Variants in WLS observed in about 807,000 individuals in gnomAD.
The protein encoded by WLS is protein wntless homolog.
In WLS, 23 loss-of-function variants were observed where a neutral mutation model predicts 62.8. The ratio of observed to expected loss-of-function variants is 0.37; its 90% CI spans 0.26 to 0.52. The LOEUF (loss-of-function observed/expected upper bound fraction) is 0.52. WLS is among the 20% of genes least tolerant of loss of function. WLS has a pLI of 0.92. For synonymous variants in WLS, 246 were observed against 244.1 expected (o/e 1.01, Z -0.07); for missense variants, 615 against 697.3 (o/e 0.88, Z 1.33).
chr1:68,208,422 CA>C (rs2100641333), intron 1 of WLS, among the ~76,000 whole-genome samples: 1 of 152,154 alleles, frequency 6.6e-6, no homozygotes, highest in East Asian at 1.9e-4. Flanking sequence ...AATCAAAAGA[CA>C]GGGGATAGGT....
chr1:68,185,904 T>C (rs189141664), intron 2 of WLS, among the ~76,000 whole-genome samples: 66 of 152,276 alleles, frequency 4.3e-4, no homozygotes, highest in African/African-American at 1.6e-3. Context: ...AGTGACTCAA[T>C]CTTTAGGCCT....
At chr1:68,231,581 T>A in intron 1 of WLS, 2 of 225,154 alleles carry the variant, frequency 8.9e-6, no homozygotes, top group Non-Finnish European at 1.8e-5. Flanking sequence ...CGGCCGACAA[T>A]TCGGACCTGT....
chr1:68,214,544 T>C (rs1288540305), intron 1 of WLS, among the ~76,000 whole-genome samples: 1 of 152,128 alleles, frequency 6.6e-6, no homozygotes, highest in Admixed American at 6.5e-5. Context: ...TTTGTATTTT[T>C]TAATAGAGAT....
intron 1 of WLS, among the ~76,000 whole-genome samples, chr1:68,218,804 T>C (rs1264432502): frequency 2.6e-5 from 4 of 152,192 alleles, no homozygotes; most frequent in Admixed American, 2.0e-4. Flanking sequence ...ATCTATAAGC[T>C]GAAGACAGTG....
At chr1:68,120,866 C>G (rs762501524), downstream of WLS, among the ~76,000 whole-genome samples, 112 of 152,306 alleles carry the variant, frequency 7.4e-4, no homozygotes, top group Middle Eastern at 3.4e-3. Flanking sequence ...TTGGAAAAGA[C>G]TTAACTGCTT....
rs749666615 is a variant in WLS, at chr1:68,230,580, TGTGCGCGC to T, written c.106+1606_106+1613del. Among the ~76,000 whole-genome samples the T allele has an allele frequency of 1.1e-3, 91 of 80,640 alleles. No individual in the cohort carries two copies. The South Asian group carries it at 0.041, about 36-fold the overall frequency. The allele number at this position is 80,640 out of a possible 152,430, so 52.9% of individuals were successfully genotyped here. ...ACACAAAAGCCAACCCGTGTGTGTG[TGTGCGCGC>T]GTGTGTGTGTGTGTGTGTGTGTGTG... is the stretch of plus-strand genomic sequence containing the variant. On this transcript the variant is annotated intron_variant, in intron 1 of 11. Coordinates refer to ENST00000262348, the MANE Select transcript of WLS (RefSeq NM_024911.7).
At chr1:68,175,128 G>A (rs1265016262) in intron 2 of WLS, among the ~76,000 whole-genome samples, 1 of 152,084 alleles carries the variant, frequency 6.6e-6, no homozygotes, top group East Asian at 1.9e-4. Flanking sequence ...AAGAGCAATC[G>A]GGCACCATTT....
At chr1:68,151,031 C>T (rs1023044935) in intron 5 of WLS, among the ~76,000 whole-genome samples, 1 of 152,132 alleles carries the variant, frequency 6.6e-6, no homozygotes, top group African/African-American at 2.4e-5. Flanking sequence ...TGTTTTTTCA[C>T]TCACGGGAGA....
At chr1:68,162,091 C>A in intron 2 of WLS, 1 of 1,569,014 alleles carries the variant, frequency 6.4e-7, no homozygotes, top group East Asian at 2.3e-5. Context: ...AGCTGCCTCC[C>A]TCATCTCCAG....
chr1:68,146,875 A>G (rs1646759003), intron 8 of WLS, among the ~76,000 whole-genome samples: 1 of 150,886 alleles, frequency 6.6e-6, no homozygotes. Context: ...TTCTGCTACA[A>G]CTTTGCCCAA....
Position 68,216,453 on chromosome 1 carries a change from C to T in WLS, c.106+15741G>A, listed in dbSNP as rs112996616. ...GTATCAGGTGTATCAGTGCATTACG[C>T]AGATTTCACAAACACACAACAGAGC... On this transcript the variant is annotated intron_variant, in intron 1 of 11. Coordinates refer to ENST00000262348, the MANE Select transcript of WLS (RefSeq NM_024911.7). Among the ~76,000 whole-genome samples, 687 of 152,342 alleles carry T rather than the reference C, an allele frequency of 4.5e-3. 10 individuals are homozygous for T. The highest frequency in any genetic ancestry group is 0.016 in the African/African-American group (663 of 41,574).
intron 1 of WLS, among the ~76,000 whole-genome samples, chr1:68,204,953 T>A (rs1001739833): frequency 6.6e-6 from 1 of 152,256 alleles, no homozygotes; most frequent in Non-Finnish European, 1.5e-5. Flanking sequence ...AACTTAAACA[T>A]GCAAGTCCTC....
Position 68,137,760 on chromosome 1 carries a change from C to A in WLS, c.1516+20G>T. 6.2e-7 allele frequency: 1 copy of A among 1,612,260 alleles called. No homozygotes were observed. Among genetic ancestry groups the A allele is most frequent in the South Asian group, 1.1e-5 (1 of 90,668 alleles). On this transcript the variant is annotated intron_variant, in intron 11 of 11. Coordinates refer to ENST00000262348, the MANE Select transcript of WLS (RefSeq NM_024911.7). ...CCTATTTATCCTGACTTAAGCTGTT[C>A]TAAAGAGACAGAAACTCACCATTGG...
chr1:68,147,991 C>G, intron 8 of WLS, 145 bp downstream of exon 8: 2 of 845,796 alleles, frequency 2.4e-6, no homozygotes, highest in Non-Finnish European at 3.8e-6. Context: ...TATTATTAGC[C>G]TTAATTGTGC....
chr1:68,137,863 T>C lies in WLS; in HGVS notation c.1433A>G (p.Tyr478Cys), dbSNP rs985347096. ...AAAGACATACAGATTCCACATCCCA[T>C]AGATGCCTGTGAAAAAGGCACTGTT... ...QVNSAFFTGI[Y>C]GMWNLYVFAL... is the part of the protein sequence containing the mutation. The change falls in exon 11 of 12, where the codon TAT becomes TGT. Residue 478 changes from tyrosine (Y) to cysteine (C), a missense_variant. By Grantham distance (194) the Tyr-to-Cys change is radical (BLOSUM62 -2). Transcript: ENST00000262348. 85 of 1,613,892 alleles carry C rather than the reference T, an allele frequency of 5.3e-5. No individual in the cohort carries two copies. The highest frequency in any genetic ancestry group is 6.8e-5 in the Non-Finnish European group (80 of 1,179,910).
chr1:68,215,557 T>G (rs2100652922), intron 1 of WLS, among the ~76,000 whole-genome samples: 1 of 152,344 alleles, frequency 6.6e-6, no homozygotes, highest in Non-Finnish European at 1.5e-5. Context: ...CATTTCATTT[T>G]ACCTAAGATA....
At chr1:68,118,874 T>TAAAAAAAAAAA (rs1646328613) in intron 11 of WLS, among the ~76,000 whole-genome samples, 1 of 18,994 alleles carries the variant, frequency 5.3e-5, no homozygotes, top group Non-Finnish European at 1.0e-4. Flanking sequence ...AGACTCTGTC[T>TAAAAAAAAAAA]CAAAAAAAAA....
At chr1:68,114,113 G>C (rs1646260886) in intron 11 of WLS, among the ~76,000 whole-genome samples, 1 of 152,240 alleles carries the variant, frequency 6.6e-6, no homozygotes, top group African/African-American at 2.4e-5. Flanking sequence ...AATGACTGCA[G>C]ATGGAGTGAG....
At chr1:68,156,826 A>G (rs1158899895) in intron 3 of WLS, among the ~76,000 whole-genome samples, 1 of 152,154 alleles carries the variant, frequency 6.6e-6, no homozygotes, top group Non-Finnish European at 1.5e-5. Flanking sequence ...GGGGCTCTGC[A>G]GGTACTACTA....
Sources: allele counts gnomAD v4.1 joint callset (sites outside exome capture counted in the v4.1 genomes callset), GRCh38; gene constraint gnomAD v4.1.1; transcripts MANE v1.5; gene names NCBI Gene and HGNC (gene_info 2026-07-23, HGNC 2026-07-21).